Variants in BMPR2 observed in about 807,000 individuals in gnomAD.
BMPR2 encodes bone morphogenetic protein receptor type-2.
Under a neutral mutation model 100.8 loss-of-function variants are expected in BMPR2, and 29 were observed. The ratio of observed to expected loss-of-function variants is 0.29; its 90% CI spans 0.21 to 0.39. The LOEUF (loss-of-function observed/expected upper bound fraction) is 0.39, where lower values mean the gene tolerates loss of function less well. Among genes scored for constraint, BMPR2 ranks in the 10% least tolerant of loss-of-function variants. BMPR2 has a pLI of 1.00. For synonymous variants in BMPR2, 382 were observed against 442.3 expected, an observed-to-expected ratio of 0.86 and a Z score of 1.71; for missense variants, 1,011 against 1,274.5, an observed-to-expected ratio of 0.79 and a Z score of 3.15.
intron 7 of BMPR2, among the ~76,000 whole-genome samples, chr2:202,527,083 C>T (rs1687928501): frequency 6.6e-6 from 1 of 152,094 alleles, no homozygotes; most frequent in African/African-American, 2.4e-5. Context: ...AGGGTGGTCT[C>T]AAACTCCTGA....
chr2:202,532,470 G>T lies in BMPR2; in HGVS notation c.1129-115G>T. On this transcript the variant is annotated intron_variant, in intron 8 of 12. Transcript: ENST00000374580. This position sits in a 1 kb window ranked among gnomAD's most constrained non-coding sequence, Gnocchi z 4.1. ...AGTTATAGAAAGGTTTAATGACATG[G>T]TTAGGGTCAAATAACATTGACATGA... 1 of 1,300,382 alleles carries T rather than the reference G, an allele frequency of 7.7e-7. No individual in the cohort carries two copies. Among genetic ancestry groups the T allele is most frequent in the South Asian group, 1.3e-5 (1 of 79,068 alleles). 80.6% of individuals were successfully genotyped at this position (1,300,382 alleles called of 1,614,324 possible).
At chr2:202,516,104 C>A (rs989178287) in intron 5 of BMPR2, among the ~76,000 whole-genome samples, 1 of 151,990 alleles carries the variant, frequency 6.6e-6, no homozygotes, top group Non-Finnish European at 1.5e-5. Flanking sequence ...TTGGTGATAT[C>A]TCAGAAGCTA....
Position 202,410,985 on chromosome 2 carries a change from A to T in BMPR2, c.76+33435A>T, listed in dbSNP as rs542043660. On this transcript the variant is annotated intron_variant, in intron 1 of 12. Coordinates refer to ENST00000374580, the MANE Select transcript of BMPR2 (RefSeq NM_001204.7). ...AGCTCTTTTTTTGTTTTTACAGTAGAATTTCAGTTAATAAATAGAAGGAGT... is the reference window on the plus strand; with the variant it reads ...AGCTCTTTTTTTGTTTTTACAGTAGTATTTCAGTTAATAAATAGAAGGAGT... Among the ~76,000 whole-genome samples the T allele has an allele frequency of 3.6e-3, 545 of 152,224 alleles. 3 individuals are homozygous for T. The highest frequency in any genetic ancestry group is 6.3e-3 in the Non-Finnish European group (431 of 68,016).
chr2:202,560,153 C>T lies in BMPR2; in HGVS notation c.*207C>T. The T allele has an allele frequency of 3.1e-6, 2 of 640,896 alleles. No homozygotes were observed. The highest frequency in any genetic ancestry group is 2.6e-6 in the Non-Finnish European group (1 of 384,982). 39.7% of individuals were successfully genotyped at this position (640,896 alleles called of 1,614,324 possible). On this transcript the variant is annotated 3_prime_UTR_variant, in exon 13 of 13. Coordinates refer to ENST00000374580, the MANE Select transcript of BMPR2 (RefSeq NM_001204.7). ...TTTAAATTTTGTTTTTTAAGTTTTG[C>T]ACTTTTGTTTAGTCTCGCTAAAGTT...
At chr2:202,449,099 G>A (rs1325457131) in intron 1 of BMPR2, among the ~76,000 whole-genome samples, 3 of 151,726 alleles carry the variant, frequency 2.0e-5, no homozygotes, top group Middle Eastern at 3.4e-3. Context: ...AGGCGAGGTC[G>A]GGAGTTCGAG....
rs2105891675 is a variant in BMPR2 at position 202,376,960 on chromosome 2, G to A, written c.-515G>A. The A allele has an allele frequency of 2.2e-6, 1 of 450,066 alleles. No individual in the cohort carries two copies. The highest frequency in any genetic ancestry group is 3.9e-6 in the Non-Finnish European group (1 of 257,238). 27.9% of individuals were successfully genotyped at this position (450,066 alleles called of 1,614,324 possible). A position where few individuals can be genotyped will look rare whatever the true frequency, so the allele number is the denominator to read the frequency against. On this transcript the variant is annotated 5_prime_UTR_variant, in exon 1 of 13. Coordinates refer to ENST00000374580, the MANE Select transcript of BMPR2 (RefSeq NM_001204.7). ...AGGAAGCACCGAAGCGAAACTTAAG[G>A]AATCCTGCCTTCCCGGAGCCGCGGG... is the stretch of plus-strand genomic sequence containing the variant.
At chr2:202,406,274 C>T (rs1418341736) in intron 1 of BMPR2, among the ~76,000 whole-genome samples, 1 of 152,144 alleles carries the variant, frequency 6.6e-6, no homozygotes, top group Non-Finnish European at 1.5e-5. Context: ...TTCTGTGTTC[C>T]GAGTAAGTTG....
chr2:202,529,940 G>C lies in BMPR2; in HGVS notation c.968-854G>C, dbSNP rs1687989132. Among the ~76,000 whole-genome samples the C allele has an allele frequency of 4.6e-5, 7 of 151,974 alleles. No individual in the cohort carries two copies. The South Asian group carries it at 1.5e-3, about 32-fold the overall frequency. Reference sequence around the variant, plus strand: ...GCTATAGAATTTTTTTTCAGTTCCAGAGCTATGGTTTTATTTAATACAAGG... The same window carrying C: ...GCTATAGAATTTTTTTTCAGTTCCACAGCTATGGTTTTATTTAATACAAGG... On this transcript the variant is annotated intron_variant, in intron 7 of 12. Transcript: ENST00000374580.
intron 1 of BMPR2, among the ~76,000 whole-genome samples, chr2:202,456,091 A>C (rs1160584037): frequency 1.4e-5 from 2 of 147,796 alleles, no homozygotes; most frequent in East Asian, 4.1e-4. Flanking sequence ...AAAAAAAAAA[A>C]AAAAAAAAAA....
chr2:202,432,144 ACT>A (rs1691518364), intron 1 of BMPR2, among the ~76,000 whole-genome samples: 1 of 150,538 alleles, frequency 6.6e-6, no homozygotes, highest in South Asian at 2.1e-4. Flanking sequence ...AATGTTATTA[ACT>A]CTCTTCCCTT....
chr2:202,377,364 TACGGG>T lies in BMPR2; in HGVS notation c.-110_-106del. The T allele has an allele frequency of 2.0e-6, 2 of 1,015,976 alleles. No individual in the cohort carries two copies. Among genetic ancestry groups the T allele is most frequent in the South Asian group, 2.5e-5 (2 of 78,988 alleles). The allele number at this position is 1,015,976 out of a possible 1,614,324, so 62.9% of individuals were successfully genotyped here. A position where few individuals can be genotyped will look rare whatever the true frequency, so the allele number is the denominator to read the frequency against. On this transcript the variant is annotated 5_prime_UTR_variant, in exon 1 of 13. Transcript: ENST00000374580. ...TTTGTCCTTTCAAACTGTATTGTGATACGGGCAGGATCAGTCCACGGGAGAGAAGA... is the reference window on the plus strand; with the variant it reads ...TTTGTCCTTTCAAACTGTATTGTGATCAGGATCAGTCCACGGGAGAGAAGA...
chr2:202,394,388 C>T (rs1028533581), intron 1 of BMPR2, among the ~76,000 whole-genome samples: 2 of 149,804 alleles, frequency 1.3e-5, no homozygotes, highest in Non-Finnish European at 1.5e-5. Flanking sequence ...AATAATATTT[C>T]CCCCAAAATA....
rs1692027560 is a variant in BMPR2, at chr2:202,453,357, C to G, written c.77-11452C>G. Among the ~76,000 whole-genome samples the G allele has an allele frequency of 2.6e-5, 4 of 152,098 alleles. No homozygotes were observed. In the South Asian group the frequency reaches 8.3e-4, roughly 32 times the overall value. On this transcript the variant is annotated intron_variant, in intron 1 of 12. Coordinates refer to ENST00000374580, the MANE Select transcript of BMPR2 (RefSeq NM_001204.7). Reference sequence around the variant, plus strand: ...TCAGTATATCAAAGAGATGTTTGCACTCCCCTGTTTACTTCACCATTGTTC... The same window carrying G: ...TCAGTATATCAAAGAGATGTTTGCAGTCCCCTGTTTACTTCACCATTGTTC...
intron 10 of BMPR2, among the ~76,000 whole-genome samples, chr2:202,544,610 T>C (rs1688339645): frequency 6.6e-6 from 1 of 152,062 alleles, no homozygotes; most frequent in Non-Finnish European, 1.5e-5. Context: ...CTATAAGCTT[T>C]TAAGACTTTA....
chr2:202,444,050 C>T (rs1691801398), intron 1 of BMPR2, among the ~76,000 whole-genome samples: 1 of 150,626 alleles, frequency 6.6e-6, no homozygotes, highest in Non-Finnish European at 1.5e-5. Context: ...CCAAAAATGT[C>T]TCCAGACATC....
intron 3 of BMPR2, among the ~76,000 whole-genome samples, chr2:202,475,683 A>T (rs1347018407): frequency 6.6e-6 from 1 of 152,084 alleles, no homozygotes; most frequent in African/African-American, 2.4e-5. Flanking sequence ...GGTTTTTAAA[A>T]TTTTACATTA....
intron 1 of BMPR2, among the ~76,000 whole-genome samples, chr2:202,393,882 C>CGAGAGCGA (rs1212615683): frequency 3.7e-4 from 36 of 97,916 alleles, no homozygotes; most frequent in African/African-American, 1.2e-3. Context: ...AATGAGAGAG[C>CGAGAGCGA]GAGAGAGAGA....
At chr2:202,525,753 G>A (rs1467433733) in intron 7 of BMPR2, among the ~76,000 whole-genome samples, 1 of 151,852 alleles carries the variant, frequency 6.6e-6, no homozygotes, top group Non-Finnish European at 1.5e-5. Flanking sequence ...TACATTGTGG[G>A]GATCAGCCTT....
chr2:202,554,858 T>G (rs1408555407), intron 11 of BMPR2, among the ~76,000 whole-genome samples: 3 of 152,206 alleles, frequency 2.0e-5, no homozygotes, highest in African/African-American at 7.2e-5. Context: ...TCTAGAATTA[T>G]GGAAATACAG....
Sources: allele counts gnomAD v4.1 joint callset (sites outside exome capture counted in the v4.1 genomes callset), GRCh38; gene constraint gnomAD v4.1.1; non-coding constraint Gnocchi (gnomAD v3.1); transcripts MANE v1.5; gene names NCBI Gene and HGNC (gene_info 2026-07-23, HGNC 2026-07-21).